The following TIAM1 variants were observed in gnomAD, a reference collection of about 807,000 sequenced individuals.
TIAM1 encodes rho guanine nucleotide exchange factor TIAM1.
A neutral mutation model predicts 163.5 loss-of-function variants in TIAM1; 65 were observed. The observed-to-expected ratio is 0.40, with a 90% CI of 0.33 to 0.49. The LOEUF (loss-of-function observed/expected upper bound fraction) is 0.49, where lower values mean the gene tolerates loss of function less well. Among genes scored for constraint, TIAM1 ranks in the 20% least tolerant of loss-of-function variants. TIAM1 has a pLI of 0.77. For synonymous variants in TIAM1, 833 were observed against 810.1 expected, an observed-to-expected ratio of 1.03 and a Z score of -0.48; for missense variants, 1,789 against 2,044.7, an observed-to-expected ratio of 0.87 and a Z score of 2.41.
intron 1 of TIAM1, among the ~76,000 whole-genome samples, chr21:31,477,669 T>G (rs528238241): frequency 1.3e-5 from 2 of 151,202 alleles, no homozygotes; most frequent in African/African-American, 4.9e-5. Context: ...GAGACGGGGG[T>G]TTCACCATGT....
intron 2 of TIAM1, among the ~76,000 whole-genome samples, chr21:31,315,845 T>C (rs845963): frequency 0.43 from 64,179 of 150,798 alleles, 14,216 homozygotes; most frequent in African/African-American, 0.57. Flanking sequence ...GGTGTGGTGG[T>C]GCACGCCTGT....
At chr21:31,549,532 C>T (rs867374533) in intron 1 of TIAM1, among the ~76,000 whole-genome samples, 7 of 152,012 alleles carry the variant, frequency 4.6e-5, no homozygotes, top group Middle Eastern at 3.4e-3. Context: ...AGAAAATATA[C>T]GATTAGCCTA....
At chr21:31,514,668 G>A (rs1174027227) in intron 1 of TIAM1, among the ~76,000 whole-genome samples, 2 of 152,132 alleles carry the variant, frequency 1.3e-5, no homozygotes, top group African/African-American at 4.8e-5. Flanking sequence ...TCTCCAGCCT[G>A]GGTGACAAAG....
chr21:31,245,725 T>C, intron 5 of TIAM1, 65 bp from the exon 6 acceptor site: 1 of 1,304,482 alleles, frequency 7.7e-7, no homozygotes, highest in Non-Finnish European at 9.9e-7. Context: ...AACCCACAGT[T>C]GAACCTAACA....
At chr21:31,302,783 G>C (rs1285733869) in intron 2 of TIAM1, among the ~76,000 whole-genome samples, 7 of 152,184 alleles carry the variant, frequency 4.6e-5, no homozygotes, top group Admixed American at 4.6e-4. Context: ...AGATCATTAT[G>C]ATGTAGACTG....
At chr21:31,278,258 T>C (rs2833356) in intron 2 of TIAM1, among the ~76,000 whole-genome samples, 4,210 of 152,248 alleles carry the variant, frequency 0.028, 177 homozygotes, top group African/African-American at 0.092. Context: ...TCAGAGAAAA[T>C]GCATGAAGAA....
intron 19 of TIAM1, 89 bp from the exon 20 acceptor site, chr21:31,147,092 G>A: frequency 9.5e-7 from 1 of 1,056,046 alleles, no homozygotes; most frequent in South Asian, 1.3e-5. Context: ...ACATCTGCCT[G>A]GCCCACCCCA....
At chr21:31,502,822 T>C (rs1438673323) in intron 1 of TIAM1, among the ~76,000 whole-genome samples, 1 of 152,238 alleles carries the variant, frequency 6.6e-6, no homozygotes, top group Non-Finnish European at 1.5e-5. Context: ...GCCATTTCTC[T>C]GCTTAGGAGC....
At chr21:31,231,944 G>A (rs1004309403) in intron 6 of TIAM1, among the ~76,000 whole-genome samples, 2 of 151,964 alleles carry the variant, frequency 1.3e-5, no homozygotes, top group Non-Finnish European at 2.9e-5. Flanking sequence ...CCCGGGAGGC[G>A]GAGGTTGTAG....
At chr21:31,150,294 A>G (rs1270756510) in intron 19 of TIAM1, among the ~76,000 whole-genome samples, 1 of 152,204 alleles carries the variant, frequency 6.6e-6, no homozygotes, top group African/African-American at 2.4e-5. Flanking sequence ...CATACACAAA[A>G]AAACATATAT....
intron 2 of TIAM1, among the ~76,000 whole-genome samples, chr21:31,421,325 G>C (rs2043562876): frequency 6.6e-6 from 1 of 152,100 alleles, no homozygotes; most frequent in South Asian, 2.1e-4. Flanking sequence ...ACCAGAAGAA[G>C]AGTCGGGAAG....
rs779197174 is a variant in TIAM1, at chr21:31,127,160, A to C, written c.4046-8T>G. 6.2e-7 allele frequency: 1 copy of C among 1,612,796 alleles called. No homozygotes were observed. Among genetic ancestry groups the C allele is most frequent in the African/African-American group, 1.3e-5 (1 of 74,912 alleles). On this transcript the variant is annotated splice_polypyrimidine_tract_variant and splice_region_variant and intron_variant, in intron 25 of 27. Transcript: ENST00000541036. ...CGGCATTTGCCTCTGCATCTAAAGA[A>C]ATTAAAACAACAATGAATCAGGGTA... is the stretch of plus-strand genomic sequence containing the variant.
chr21:31,173,114 A>G (rs1453151160), intron 15 of TIAM1, among the ~76,000 whole-genome samples: 1 of 152,154 alleles, frequency 6.6e-6, no homozygotes, highest in Non-Finnish European at 1.5e-5. Flanking sequence ...GATTACACAC[A>G]TCTACTTTGG....
At chr21:31,275,431 C>T (rs2073255039) in intron 3 of TIAM1, among the ~76,000 whole-genome samples, 1 of 152,042 alleles carries the variant, frequency 6.6e-6, no homozygotes, top group Non-Finnish European at 1.5e-5. Flanking sequence ...CGGCATCAAA[C>T]CCAAACTCTA....
At chr21:31,333,225 C>T (rs1329623630) in intron 2 of TIAM1, among the ~76,000 whole-genome samples, 1 of 152,194 alleles carries the variant, frequency 6.6e-6, no homozygotes, top group Non-Finnish European at 1.5e-5. Context: ...GGTTTGTCCG[C>T]CTGGGGGCTG....
chr21:31,421,117 T>A (rs1373062374), intron 2 of TIAM1, among the ~76,000 whole-genome samples: 1 of 143,064 alleles, frequency 7.0e-6, no homozygotes, highest in African/African-American at 2.6e-5. Context: ...GGCAACAGAG[T>A]GAGACTTCCT....
intron 1 of TIAM1, among the ~76,000 whole-genome samples, chr21:31,557,037 G>T (rs2048903566): frequency 6.6e-6 from 1 of 152,178 alleles, no homozygotes; most frequent in African/African-American, 2.4e-5. Flanking sequence ...TTCCACAGCA[G>T]TCCTTGGTTC....
intron 1 of TIAM1, among the ~76,000 whole-genome samples, chr21:31,475,639 G>A (rs1308857386): frequency 6.6e-6 from 1 of 152,186 alleles, no homozygotes; most frequent in Non-Finnish European, 1.5e-5. Flanking sequence ...TGGGTCTAGT[G>A]ATGTTTTCTT....
intron 1 of TIAM1, among the ~76,000 whole-genome samples, chr21:31,519,799 A>T (rs2047517014): frequency 6.6e-6 from 1 of 152,228 alleles, no homozygotes; most frequent in East Asian, 1.9e-4. Flanking sequence ...AAGCCAAAAA[A>T]GACAAATACT....
Sources: gnomAD v4.1 joint callset for allele counts (sites outside exome capture counted in the v4.1 genomes callset) on GRCh38, gnomAD v4.1.1 for gene constraint, MANE v1.5 for transcripts, NCBI Gene and HGNC (gene_info 2026-07-23, HGNC 2026-07-21) for gene names.